Variants in ATP6V1A observed in about 807,000 individuals in gnomAD.
ATP6V1A encodes V-type proton ATPase catalytic subunit A.
Under a neutral mutation model 70.1 loss-of-function variants are expected in ATP6V1A, and 18 were observed. That is an observed-to-expected ratio of 0.26 (90% CI 0.18 to 0.38). ATP6V1A has a LOEUF of 0.38. Ranked by LOEUF, ATP6V1A falls within the 10% of genes least tolerant of loss-of-function variation. The probability of loss-of-function intolerance (pLI) is 1.00; values close to 1 mark genes in which losing one functional copy is unlikely to be tolerated. For synonymous variants in ATP6V1A, 232 were observed against 253.8 expected (o/e 0.91, Z 0.82); for missense variants, 424 against 772.4 (o/e 0.55, Z 5.35).
intron 1 of ATP6V1A, among the ~76,000 whole-genome samples, chr3:113,753,440 T>A (rs1251438131): frequency 6.6e-6 from 1 of 152,184 alleles, no homozygotes; most frequent in Non-Finnish European, 1.5e-5. Context: ...CTCCATGTAA[T>A]CTTTTCCTTA....
intron 8 of ATP6V1A, among the ~76,000 whole-genome samples, chr3:113,793,621 T>C (rs1362410247): frequency 6.6e-6 from 1 of 152,178 alleles, no homozygotes; most frequent in African/African-American, 2.4e-5. Flanking sequence ...TCTGTTCTTA[T>C]TAGATTGGAA....
chr3:113,791,144 GTCT>G (rs1216712872), intron 8 of ATP6V1A, among the ~76,000 whole-genome samples: 1 of 152,010 alleles, frequency 6.6e-6, no homozygotes, highest in Non-Finnish European at 1.5e-5. Context: ...CATTATGGCT[GTCT>G]TCTTCAAATA....
At position 113,780,437 on chromosome 3, in the gene ATP6V1A, A is replaced by G. The variant is rs569858566; in HGVS notation, c.83-613A>G. ...AATTCCATTGACAATTTCTTACCCA[A>G]TGGTGGTGACTGATTATAAATATCC... On this transcript the variant is annotated intron_variant, in intron 2 of 14. Transcript: ENST00000273398. Among the ~76,000 whole-genome samples, 87 of 152,344 alleles carry G rather than the reference A, an allele frequency of 5.7e-4. 1 individual carries two copies. Among genetic ancestry groups the G allele is most frequent in the African/African-American group, 2.0e-3 (85 of 41,580 alleles).
intron 1 of ATP6V1A, among the ~76,000 whole-genome samples, chr3:113,775,709 GT>G (rs1358173877): frequency 6.6e-6 from 1 of 152,196 alleles, no homozygotes; most frequent in Admixed American, 6.5e-5. Context: ...ATCTCATGCT[GT>G]TTCCACTTTA....
At chr3:113,771,818 T>C (rs561122821) in intron 1 of ATP6V1A, among the ~76,000 whole-genome samples, 10 of 152,312 alleles carry the variant, frequency 6.6e-5, no homozygotes, top group East Asian at 1.9e-4. Context: ...ATTTTTCTTA[T>C]AAAATTTATT....
intron 1 of ATP6V1A, among the ~76,000 whole-genome samples, chr3:113,776,020 G>C (rs1018149553): frequency 6.6e-6 from 1 of 152,070 alleles, no homozygotes; most frequent in African/African-American, 2.4e-5. Context: ...TCCCATGCCT[G>C]CTCTTAATGG....
chr3:113,781,506 A>T (rs1027491605), intron 3 of ATP6V1A, among the ~76,000 whole-genome samples: 1 of 152,134 alleles, frequency 6.6e-6, no homozygotes, highest in Non-Finnish European at 1.5e-5. Context: ...CAACAGAGTG[A>T]GACTCCATCT....
chr3:113,792,331 T>C (rs1709104806), intron 8 of ATP6V1A, among the ~76,000 whole-genome samples: 1 of 152,144 alleles, frequency 6.6e-6, no homozygotes, highest in South Asian at 2.1e-4. Context: ...CATGCATGTT[T>C]CTTTGCATGT....
chr3:113,802,091 G>A (rs1215743711), intron 12 of ATP6V1A, among the ~76,000 whole-genome samples: 7 of 152,218 alleles, frequency 4.6e-5, no homozygotes, highest in Middle Eastern at 3.4e-3. Context: ...GGCTTTTGAG[G>A]TAGTGATATT....
intron 1 of ATP6V1A, among the ~76,000 whole-genome samples, chr3:113,754,093 A>G (rs1198546693): frequency 1.3e-5 from 2 of 152,244 alleles, no homozygotes; most frequent in Admixed American, 6.5e-5. Flanking sequence ...ACATATTTAT[A>G]TAAAACTACA....
intron 1 of ATP6V1A, among the ~76,000 whole-genome samples, chr3:113,771,212 C>T (rs1708836544): frequency 6.6e-6 from 1 of 151,988 alleles, no homozygotes; most frequent in Non-Finnish European, 1.5e-5. Flanking sequence ...CACTGAGAGG[C>T]GTAAGCATTC....
rs186757281 is a variant in ATP6V1A at position 113,789,872 on chromosome 3, C to T, written c.988+32C>T. ...ATATAATTGGAATAAAAGCAGTTAACATCTGTTCTTAAGTGTAAAGCTAGC... is the reference window on the plus strand; with the variant it reads ...ATATAATTGGAATAAAAGCAGTTAATATCTGTTCTTAAGTGTAAAGCTAGC... On this transcript the variant is annotated intron_variant, in intron 8 of 14. Transcript: ENST00000273398. The T allele has an allele frequency of 2.2e-3, 3,318 of 1,503,882 alleles. 5 individuals carry two copies. Among genetic ancestry groups the T allele is most frequent in the Non-Finnish European group, 2.9e-3 (3,121 of 1,081,856 alleles). The allele number at this position is 1,503,882 out of a possible 1,614,324, so 93.2% of individuals were successfully genotyped here.
chr3:113,789,628 A>G (rs1395214856), intron 7 of ATP6V1A, 104 bp from the exon 8 acceptor site: 22 of 714,892 alleles, frequency 3.1e-5, no homozygotes, highest in East Asian at 1.1e-4. Flanking sequence ...TGATTGTAAG[A>G]GGCATTAAAT....
chr3:113,780,556 G>T (rs1479515492), intron 2 of ATP6V1A, among the ~76,000 whole-genome samples: 1 of 152,204 alleles, frequency 6.6e-6, no homozygotes, highest in Non-Finnish European at 1.5e-5. Context: ...TCCCAGAAGA[G>T]TTTTAAGAAC....
intron 1 of ATP6V1A, among the ~76,000 whole-genome samples, chr3:113,770,565 G>C (rs1172554545): frequency 6.6e-6 from 1 of 151,968 alleles, no homozygotes; most frequent in Admixed American, 6.6e-5. Flanking sequence ...TATAGTCCCA[G>C]CTACTTGGGA....
intron 1 of ATP6V1A, among the ~76,000 whole-genome samples, chr3:113,753,693 C>CTTTTTTTTTTTTTTTTTTTTTTTTTT (rs11375661): frequency 7.1e-6 from 1 of 141,098 alleles, no homozygotes; most frequent in African/African-American, 2.6e-5. Flanking sequence ...TATCATGTGT[C>CTTTTTTTTTTTTTTTTTTTTTTTTTT]TTTTTTTTTT....
At chr3:113,801,722 A>G (rs527391814) in intron 12 of ATP6V1A, among the ~76,000 whole-genome samples, 1 of 152,312 alleles carries the variant, frequency 6.6e-6, no homozygotes, top group Non-Finnish European at 1.5e-5. Flanking sequence ...GAAGCAGCAG[A>G]CCATGTTGCA....
intron 12 of ATP6V1A, among the ~76,000 whole-genome samples, chr3:113,801,345 A>G (rs1236088102): frequency 6.6e-6 from 1 of 152,134 alleles, no homozygotes; most frequent in African/African-American, 2.4e-5. Flanking sequence ...GAACAGACTG[A>G]TAATAGAAAA....
intron 13 of ATP6V1A, among the ~76,000 whole-genome samples, chr3:113,804,258 G>C (rs1709251207): frequency 6.6e-6 from 1 of 151,746 alleles, no homozygotes; most frequent in South Asian, 2.1e-4. Context: ...CTCCCAAAGT[G>C]TTGGGACTCA....
Sources: gnomAD v4.1 joint callset for allele counts (sites outside exome capture counted in the v4.1 genomes callset) on GRCh38, gnomAD v4.1.1 for gene constraint, MANE v1.5 for transcripts, NCBI Gene and HGNC (gene_info 2026-07-23, HGNC 2026-07-21) for gene names.